Variants in PRKCH observed in about 807,000 individuals in gnomAD.
PRKCH encodes the protein protein kinase C eta type.
Under a neutral mutation model 82.5 loss-of-function variants are expected in PRKCH, and 28 were observed. That is an observed-to-expected ratio of 0.34 (90% CI 0.25 to 0.47). The LOEUF is 0.47. Ranked by LOEUF, PRKCH falls within the 20% of genes least tolerant of loss-of-function variation. The pLI is 1.00. For missense variants in PRKCH, 705 were observed against 881.8 expected (o/e 0.80, Z 2.54); for synonymous variants, 322 against 327.4 (o/e 0.98, Z 0.18).
At chr14:61,446,237 A>G (rs1884217853) in intron 4 of PRKCH, among the ~76,000 whole-genome samples, 1 of 152,140 alleles carries the variant, frequency 6.6e-6, no homozygotes, top group Non-Finnish European at 1.5e-5. Context: ...GTAAGTTACT[A>G]CATGTTATAT....
chr14:61,348,452 C>A (rs1488264388), intron 1 of PRKCH, among the ~76,000 whole-genome samples: 1 of 152,216 alleles, frequency 6.6e-6, no homozygotes, highest in African/African-American at 2.4e-5. Context: ...GCTTTGCCTC[C>A]ACCTCTGATG....
chr14:61,470,332 CACGATCTTTCT>C (rs1885443727), intron 9 of PRKCH, among the ~76,000 whole-genome samples: 1 of 64,974 alleles, frequency 1.5e-5, no homozygotes. Flanking sequence ...TTGCCACTTG[CACGATCTTTCT>C]CATCCCGCTG....
In PRKCH at chr14:61,338,594, T is replaced by C. The variant is rs767576528; in HGVS notation, c.363+16130T>C. Reference sequence around the variant, plus strand: ...AAACCATCATCCAGCACACACTATGTCAGGAATGTATTAATGACAGCCTGC... The same window carrying C: ...AAACCATCATCCAGCACACACTATGCCAGGAATGTATTAATGACAGCCTGC... On this transcript the variant is annotated intron_variant, in intron 1 of 13. Transcript: ENST00000332981. 1.2e-3 allele frequency among the ~76,000 whole-genome samples: 176 copies of C among 152,238 alleles called. 1 individual carries two copies. Among genetic ancestry groups the C allele is most frequent in the Admixed American group, 2.7e-3 (42 of 15,292 alleles).
At chr14:61,418,342 T>C (rs1237413058) in intron 2 of PRKCH, among the ~76,000 whole-genome samples, 1 of 152,222 alleles carries the variant, frequency 6.6e-6, no homozygotes, top group Non-Finnish European at 1.5e-5. Context: ...CTATTTTCAA[T>C]AAACTCACTG....
At chr14:61,322,629 G>C in intron 1 of PRKCH, 165 bp downstream of exon 1, 1 of 961,138 alleles carries the variant, frequency 1.0e-6, no homozygotes, top group Non-Finnish European at 1.5e-6. Flanking sequence ...ACGCGACCGC[G>C]GTGGGTGTGT....
intron 10 of PRKCH, among the ~76,000 whole-genome samples, chr14:61,505,386 T>C (rs1256965813): frequency 9.4e-5 from 12 of 127,200 alleles, no homozygotes; most frequent in Admixed American, 9.4e-4. Context: ...TTTTCTTTTC[T>C]TTTCTTTTCT....
At chr14:61,266,649 G>A (rs2045104172) in intron 1 of PRKCH, among the ~76,000 whole-genome samples, 1 of 152,160 alleles carries the variant, frequency 6.6e-6, no homozygotes, top group South Asian at 2.1e-4. Flanking sequence ...AAGACAGATG[G>A]AAACTTGTTT....
At position 61,488,403 on chromosome 14, in the gene PRKCH, A is replaced by T. The variant is rs565260128; in HGVS notation, c.1433+2747A>T. Among the ~76,000 whole-genome samples, 45 of 152,324 alleles carry T rather than the reference A, an allele frequency of 3.0e-4. 2 individuals carry two copies. The South Asian group carries it at 8.9e-3, about 30-fold the overall frequency. ...TTGCATTCGTCTATTGATTCTTCTA[A>T]CAATATTATTGTATAACAATAATAG... On this transcript the variant is annotated intron_variant, in intron 10 of 13. Coordinates refer to ENST00000332981, the MANE Select transcript of PRKCH (RefSeq NM_006255.5).
At chr14:61,402,173 A>C (rs1246581794) in intron 2 of PRKCH, among the ~76,000 whole-genome samples, 1 of 152,244 alleles carries the variant, frequency 6.6e-6, no homozygotes, top group African/African-American at 2.4e-5. Flanking sequence ...GATGACTTCC[A>C]ATGATTCAGT....
chr14:61,547,326 G>A (rs2043270863), intron 12 of PRKCH, among the ~76,000 whole-genome samples: 1 of 152,028 alleles, frequency 6.6e-6, no homozygotes. Flanking sequence ...CTGGCCAGCT[G>A]GTCAGGTCAC....
At chr14:61,486,099 C>T (rs573734636) in intron 10 of PRKCH, among the ~76,000 whole-genome samples, 2 of 152,300 alleles carry the variant, frequency 1.3e-5, no homozygotes, top group South Asian at 4.2e-4. Context: ...TCAGAAGAGA[C>T]TGTTTATTCA....
intron 2 of PRKCH, among the ~76,000 whole-genome samples, chr14:61,428,992 A>G (rs938937228): frequency 6.6e-5 from 10 of 152,286 alleles, no homozygotes; most frequent in African/African-American, 1.9e-4. Context: ...TTGACATTCC[A>G]TCATTATCCT....
At chr14:61,216,953 G>T (rs1045079484) in intron 1 of PRKCH, among the ~76,000 whole-genome samples, 1 of 152,150 alleles carries the variant, frequency 6.6e-6, no homozygotes, top group Admixed American at 6.5e-5. Flanking sequence ...TGTCTTTCTG[G>T]AACTCTTTCT....
chr14:61,489,856 G>T (rs575727099), intron 10 of PRKCH, among the ~76,000 whole-genome samples: 97 of 152,282 alleles, frequency 6.4e-4, no homozygotes, highest in African/African-American at 2.2e-3. Flanking sequence ...TTCATCAACT[G>T]TATTAAAGGG....
intron 1 of PRKCH, among the ~76,000 whole-genome samples, chr14:61,384,165 G>A (rs1014149808): frequency 1.3e-5 from 2 of 152,072 alleles, no homozygotes; most frequent in Admixed American, 6.5e-5. Context: ...GCCTCAAGTC[G>A]GAGTGGCTCC....
At chr14:61,214,118 T>G (rs530084860) in intron 1 of PRKCH, among the ~76,000 whole-genome samples, 1 of 152,114 alleles carries the variant, frequency 6.6e-6, no homozygotes, top group South Asian at 2.1e-4. Flanking sequence ...CTGTGGGGGG[T>G]GTACTGAGAG....
At chr14:61,314,945 G>A (rs796814395) in intron 1 of PRKCH, among the ~76,000 whole-genome samples, 22 of 152,182 alleles carry the variant, frequency 1.4e-4, no homozygotes, top group African/African-American at 5.3e-4. Flanking sequence ...TATCCATCAT[G>A]AAGTCTGGAA....
intron 1 of PRKCH, among the ~76,000 whole-genome samples, chr14:61,268,367 C>CA (rs763160696): frequency 6.6e-6 from 1 of 152,132 alleles, no homozygotes; most frequent in South Asian, 2.1e-4. Context: ...AAATAGTTTA[C>CA]AAAAATTTAT....
rs190047759 is a variant in PRKCH at position 61,374,617 on chromosome 14, G to T, written c.364-16608G>T. Among the ~76,000 whole-genome samples, 615 of 152,170 alleles carry T rather than the reference G, an allele frequency of 4.0e-3. 18 individuals carry two copies. The highest frequency in any genetic ancestry group is 0.014 in the African/African-American group (580 of 41,420). ...TATATAGAAGTTGCCAAGGCTTGAG[G>T]CTTGCACCCTCTGAAGCCACAGCCC... On this transcript the variant is annotated intron_variant, in intron 1 of 13. Transcript: ENST00000332981.
Sources: gnomAD v4.1 joint callset for allele counts (sites outside exome capture counted in the v4.1 genomes callset) on GRCh38, gnomAD v4.1.1 for gene constraint, MANE v1.5 for transcripts, NCBI Gene and HGNC (gene_info 2026-07-23, HGNC 2026-07-21) for gene names.